GBE1: variants seen among roughly 807,000 people sequenced by gnomAD.
GBE1 encodes the protein 1,4-alpha-glucan-branching enzyme.
Under a neutral mutation model 88.8 loss-of-function variants are expected in GBE1, and 70 were observed. The ratio of observed to expected loss-of-function variants is 0.79; its 90% CI spans 0.65 to 0.96. The LOEUF (loss-of-function observed/expected upper bound fraction) is 0.96, where lower values mean the gene tolerates loss of function less well. Among genes scored for constraint, GBE1 ranks in the 40% least tolerant of loss-of-function variants. GBE1 has a pLI of 0.00. For missense variants in GBE1, 872 were observed against 871.0 expected (o/e 1.00, Z -0.01); for synonymous variants, 284 against 300.1 (o/e 0.95, Z 0.56).
rs113839001 is a variant in GBE1, at chr3:81,633,894, T to C, written c.992+8887A>G. 1.3e-5 allele frequency among the ~76,000 whole-genome samples: 2 copies of C among 152,294 alleles called. 1 individual carries two copies. Among genetic ancestry groups the C allele is most frequent in the African/African-American group, 4.8e-5 (2 of 41,568 alleles). On this transcript the variant is annotated intron_variant, in intron 7 of 15. Coordinates refer to ENST00000429644, the MANE Select transcript of GBE1 (RefSeq NM_000158.4). ...GGTTTTTATCCATCCTGCATGTATG[T>C]TGCTTTGGTATGCACAGTGAATGAA...
chr3:81,517,731 T>A (rs1702817568), intron 14 of GBE1, among the ~76,000 whole-genome samples: 1 of 151,492 alleles, frequency 6.6e-6, no homozygotes, highest in Non-Finnish European at 1.5e-5. Flanking sequence ...TCAATTTTTA[T>A]ACCATTTAAT....
chr3:81,589,020 C>G (rs1703839386), intron 9 of GBE1, among the ~76,000 whole-genome samples: 1 of 151,010 alleles, frequency 6.6e-6, no homozygotes, highest in African/African-American at 2.5e-5. Flanking sequence ...TGTGACTGTT[C>G]TTTTAAAATT....
At chr3:81,541,736 T>C (rs1271586409) in intron 12 of GBE1, among the ~76,000 whole-genome samples, 1 of 151,994 alleles carries the variant, frequency 6.6e-6, no homozygotes, top group African/African-American at 2.4e-5. Context: ...CTATGAGAAA[T>C]AGTTTTTGTT....
chr3:81,760,544 A>G (rs1310805930), intron 1 of GBE1, among the ~76,000 whole-genome samples: 1 of 152,250 alleles, frequency 6.6e-6, no homozygotes, highest in Non-Finnish European at 1.5e-5. Context: ...CCTCACAAGT[A>G]TAACTATTAC....
intron 7 of GBE1, among the ~76,000 whole-genome samples, chr3:81,618,561 T>C (rs568042659): frequency 6.6e-6 from 1 of 152,132 alleles, no homozygotes; most frequent in East Asian, 1.9e-4. Flanking sequence ...AAACTTTGAA[T>C]AGCAGTGAGA....
intron 1 of GBE1, among the ~76,000 whole-genome samples, chr3:81,737,434 T>A (rs2107213367): frequency 7.0e-6 from 1 of 142,246 alleles, no homozygotes; most frequent in African/African-American, 2.6e-5. Flanking sequence ...TATATATTCA[T>A]TTACTTCAAA....
intron 14 of GBE1, among the ~76,000 whole-genome samples, chr3:81,522,012 G>A (rs1173841295): frequency 6.6e-6 from 1 of 151,458 alleles, no homozygotes; most frequent in East Asian, 1.9e-4. Context: ...TTGCCAGACC[G>A]TATCTAGAAT....
At chr3:81,631,656 A>G (rs192094932) in intron 7 of GBE1, among the ~76,000 whole-genome samples, 18 of 151,584 alleles carry the variant, frequency 1.2e-4, no homozygotes, top group Admixed American at 1.1e-3. Context: ...CTGAGGCAGG[A>G]GAATCACTTG....
At chr3:81,691,670 T>G (rs778665784) in intron 2 of GBE1, among the ~76,000 whole-genome samples, 3 of 152,058 alleles carry the variant, frequency 2.0e-5, no homozygotes, top group Non-Finnish European at 4.4e-5. Flanking sequence ...TCTCAGCTAC[T>G]CTGGAAGCTG....
chr3:81,722,915 TACAC>T (rs66966040), intron 1 of GBE1, among the ~76,000 whole-genome samples: 2 of 145,482 alleles, frequency 1.4e-5, no homozygotes, highest in South Asian at 4.3e-4. Flanking sequence ...TATATATATA[TACAC>T]ACAAGTAAAT....
intron 7 of GBE1, among the ~76,000 whole-genome samples, chr3:81,615,511 TATAA>T (rs1704237785): frequency 6.6e-6 from 1 of 152,196 alleles, no homozygotes; most frequent in Non-Finnish European, 1.5e-5. Flanking sequence ...AGAATGATAA[TATAA>T]ATGGGATTAA....
At chr3:81,602,786 C>G (rs748798604) in intron 7 of GBE1, among the ~76,000 whole-genome samples, 5 of 152,116 alleles carry the variant, frequency 3.3e-5, no homozygotes, top group Non-Finnish European at 5.9e-5. Flanking sequence ...GACTGACTCC[C>G]TACATAATGC....
chr3:81,630,905 T>C (rs1013827909), intron 7 of GBE1, among the ~76,000 whole-genome samples: 3 of 152,146 alleles, frequency 2.0e-5, no homozygotes, highest in African/African-American at 4.8e-5. Flanking sequence ...CTAAGAAATA[T>C]ATAAGATGTT....
intron 1 of GBE1, among the ~76,000 whole-genome samples, chr3:81,720,348 ATG>A (rs773210727): frequency 2.6e-3 from 366 of 142,638 alleles, no homozygotes; most frequent in East Asian, 0.011. Flanking sequence ...GTGTATGTGT[ATG>A]TGTGTGTGTG....
At chr3:81,743,550 G>A (rs1263135744) in intron 1 of GBE1, 1 of 1,526,506 alleles carries the variant, frequency 6.6e-7, no homozygotes, top group East Asian at 2.5e-5. Flanking sequence ...AAGTCATAAT[G>A]AGTCACCTCA....
At chr3:81,524,280 C>A (rs1201139661) in intron 14 of GBE1, among the ~76,000 whole-genome samples, 1 of 151,772 alleles carries the variant, frequency 6.6e-6, no homozygotes, top group Admixed American at 6.6e-5. Flanking sequence ...ACCTGTTTGT[C>A]ATTTGTATGT....
intron 2 of GBE1, among the ~76,000 whole-genome samples, chr3:81,688,522 AC>A (rs1185908810): frequency 5.9e-5 from 9 of 152,194 alleles, no homozygotes; most frequent in South Asian, 2.1e-4. Flanking sequence ...ACCCAAAAAA[AC>A]ATTTATTTTT....
intron 3 of GBE1, among the ~76,000 whole-genome samples, chr3:81,665,299 T>C (rs1043150241): frequency 5.9e-5 from 9 of 152,066 alleles, no homozygotes; most frequent in South Asian, 2.1e-4. Context: ...TTTGGGAGGC[T>C]GAGGCGGGCG....
At chr3:81,501,784 C>T (rs1435165814) in intron 14 of GBE1, among the ~76,000 whole-genome samples, 1 of 146,292 alleles carries the variant, frequency 6.8e-6, no homozygotes, top group Non-Finnish European at 1.5e-5. Context: ...AAACCTCTGC[C>T]TCCCTGGGCT....
Sources: allele counts gnomAD v4.1 joint callset (sites outside exome capture counted in the v4.1 genomes callset), GRCh38; gene constraint gnomAD v4.1.1; transcripts MANE v1.5; gene names NCBI Gene and HGNC (gene_info 2026-07-23, HGNC 2026-07-21).